Variants in HAO1 observed in about 807,000 individuals in gnomAD.
The protein encoded by HAO1 is hydroxyacid oxidase 1.
A neutral mutation model predicts 39.7 loss-of-function variants in HAO1; 34 were observed. The observed-to-expected ratio is 0.86, with a 90% confidence interval of 0.65 to 1.14. The LOEUF (loss-of-function observed/expected upper bound fraction) is 1.14. Among genes scored for constraint, HAO1 ranks in the 50% most tolerant of loss-of-function variants. HAO1 has a pLI of 0.00. For synonymous variants in HAO1, 172 were observed against 173.2 expected (o/e 0.99, Z 0.05); for missense variants, 479 against 464.5 (o/e 1.03, Z -0.29).
chr20:7,910,854 T>C (rs897095454), intron 3 of HAO1, among the ~76,000 whole-genome samples: 4 of 152,218 alleles, frequency 2.6e-5, no homozygotes, highest in Admixed American at 1.3e-4. Flanking sequence ...AAGAGGCTAC[T>C]GTGCCAAGTC....
chr20:7,936,553 C>A lies in HAO1; in HGVS notation c.138-1918G>T, dbSNP rs1326874085. 7.0e-5 allele frequency among the ~76,000 whole-genome samples: 4 copies of A among 57,406 alleles called. No homozygotes were observed. In the East Asian group the frequency reaches 1.6e-3, roughly 23 times the overall value. The allele number at this position is 57,406 out of a possible 152,430, so 37.7% of individuals were successfully genotyped here. A position where few individuals can be genotyped will look rare whatever the true frequency, so the allele number is the denominator to read the frequency against. On this transcript the variant is annotated intron_variant, in intron 1 of 7. Transcript: ENST00000378789. ...GTGTGTGTGTGTGTGTGTGTTCGCGCGCGCGCGCGCGCGTGCGTGCCAAAA... is the reference window on the plus strand; with the variant it reads ...GTGTGTGTGTGTGTGTGTGTTCGCGAGCGCGCGCGCGCGTGCGTGCCAAAA...
chr20:7,885,200 G>A (rs866288097), intron 7 of HAO1, among the ~76,000 whole-genome samples: 1 of 152,162 alleles, frequency 6.6e-6, no homozygotes, highest in Admixed American at 6.6e-5. Context: ...CCACTTAGAT[G>A]TCCAAAGGGA....
At chr20:7,921,960 G>A (rs2050335187) in intron 2 of HAO1, among the ~76,000 whole-genome samples, 1 of 152,022 alleles carries the variant, frequency 6.6e-6, no homozygotes, top group Admixed American at 6.6e-5. Flanking sequence ...ACAACAGTGG[G>A]GTTGGGAGGG....
chr20:7,904,280 A>T (rs1454025448), intron 4 of HAO1, among the ~76,000 whole-genome samples: 1 of 152,062 alleles, frequency 6.6e-6, no homozygotes, highest in Non-Finnish European at 1.5e-5. Context: ...GGGCAACAAC[A>T]TTTCCTAAAT....
chr20:7,931,814 A>C (rs537183074), intron 2 of HAO1, among the ~76,000 whole-genome samples: 2 of 152,214 alleles, frequency 1.3e-5, no homozygotes, highest in South Asian at 4.2e-4. Flanking sequence ...CTGGTCTTGG[A>C]ACCATCAAAT....
intron 2 of HAO1, among the ~76,000 whole-genome samples, chr20:7,929,959 A>C (rs922500170): frequency 2.0e-5 from 3 of 152,190 alleles, no homozygotes; most frequent in Non-Finnish European, 4.4e-5. Context: ...AGGCCCTTGA[A>C]GTTGGACTCT....
At chr20:7,927,369 GA>G (rs1310888346) in intron 2 of HAO1, among the ~76,000 whole-genome samples, 1 of 151,740 alleles carries the variant, frequency 6.6e-6, no homozygotes, top group Non-Finnish European at 1.5e-5. Flanking sequence ...AGAATATAAA[GA>G]AAAAAATTCA....
intron 1 of HAO1, among the ~76,000 whole-genome samples, chr20:7,936,543 TGTGTTCGCGCGCGCG>T: frequency 6.8e-6 from 1 of 147,854 alleles, no homozygotes; most frequent in East Asian, 2.0e-4. Context: ...TGTGTGTGTG[TGTGTTCGCGCGCGCG>T]CGCGCGCGTG....
chr20:7,916,487 C>T (rs1235130913), intron 2 of HAO1, among the ~76,000 whole-genome samples: 1 of 152,074 alleles, frequency 6.6e-6, no homozygotes, highest in Non-Finnish European at 1.5e-5. Context: ...CAAACTTTAG[C>T]AGGACAATCC....
At chr20:7,909,385 A>ATATATG (rs1555774050) in intron 3 of HAO1, among the ~76,000 whole-genome samples, 55 of 112,572 alleles carry the variant, frequency 4.9e-4, no homozygotes, top group African/African-American at 2.0e-3. Flanking sequence ...ATATGTATAT[A>ATATATG]TATATATATA....
intron 4 of HAO1, among the ~76,000 whole-genome samples, chr20:7,895,496 T>G (rs1057092268): frequency 2.0e-5 from 3 of 152,110 alleles, no homozygotes; most frequent in African/African-American, 7.2e-5. Context: ...TAAAGCGTGT[T>G]TATCTTTATA....
chr20:7,910,931 T>A (rs2050276632), intron 3 of HAO1, among the ~76,000 whole-genome samples: 1 of 151,962 alleles, frequency 6.6e-6, no homozygotes, highest in African/African-American at 2.4e-5. Flanking sequence ...CTACCATCAA[T>A]TTTTATTGTG....
At chr20:7,914,487 G>C in intron 2 of HAO1, 68 bp from the exon 3 acceptor site, 1 of 1,548,006 alleles carries the variant, frequency 6.5e-7, no homozygotes, top group Non-Finnish European at 8.8e-7. Context: ...TTGAATTGTA[G>C]TTGGATGAGT....
At chr20:7,929,301 T>G (rs1174485722) in intron 2 of HAO1, among the ~76,000 whole-genome samples, 2 of 152,296 alleles carry the variant, frequency 1.3e-5, no homozygotes, top group East Asian at 3.9e-4. Context: ...TCAGAGACTT[T>G]GGGCTCTGAG....
rs146989031 is a variant in HAO1, at chr20:7,923,811, C to T, written c.290-9392G>A. Among the ~76,000 whole-genome samples, 427 of 152,226 alleles carry T rather than the reference C, an allele frequency of 2.8e-3. 1 individual carries two copies. Among genetic ancestry groups the T allele is most frequent in the African/African-American group, 8.2e-3 (341 of 41,546 alleles). On this transcript the variant is annotated intron_variant, in intron 2 of 7. Transcript: ENST00000378789. ...CTAACAAGCTCCAGAGTCCTGCTGA[C>T]GCTGATGTTCCAAGGACCATACTTT...
At position 7,883,927 on chromosome 20, in the gene HAO1, A is replaced by C. The variant is rs188042401; in HGVS notation, c.1043-264T>G. Among the ~76,000 whole-genome samples the C allele has an allele frequency of 1.7e-3, 258 of 152,306 alleles. 3 individuals carry two copies. Among genetic ancestry groups the C allele is most frequent in the African/African-American group, 6.1e-3 (252 of 41,578 alleles). The stretch of plus-strand genomic sequence containing the variant: ...AGTCAGTGACTGAAAGCTCTCTTTT[A>C]GGATATGTCTGTAGCAAATTAAAAT... On this transcript the variant is annotated intron_variant, in intron 7 of 7. Coordinates refer to ENST00000378789, the MANE Select transcript of HAO1 (RefSeq NM_017545.3).
At chr20:7,907,130 G>A (rs1298912938) in intron 3 of HAO1, among the ~76,000 whole-genome samples, 1 of 152,134 alleles carries the variant, frequency 6.6e-6, no homozygotes, top group Admixed American at 6.5e-5. Flanking sequence ...CCCAGCAGAT[G>A]AGTTGTCACC....
intron 2 of HAO1, among the ~76,000 whole-genome samples, chr20:7,922,932 A>G (rs1201249917): frequency 6.6e-6 from 1 of 152,156 alleles, no homozygotes; most frequent in African/African-American, 2.4e-5. Context: ...GGCCAGTGGC[A>G]TGATTTCTGT....
intron 5 of HAO1, among the ~76,000 whole-genome samples, chr20:7,893,339 A>G (rs1340998216): frequency 6.6e-6 from 1 of 152,194 alleles, no homozygotes; most frequent in Non-Finnish European, 1.5e-5. Flanking sequence ...TCATACTTCA[A>G]TTTTGAAACA....
Sources: allele counts gnomAD v4.1 joint callset (sites outside exome capture counted in the v4.1 genomes callset), GRCh38; gene constraint gnomAD v4.1.1; transcripts MANE v1.5; gene names NCBI Gene and HGNC (gene_info 2026-07-23, HGNC 2026-07-21).